Variants in ATL1 observed in about 807,000 individuals in gnomAD.
ATL1 encodes atlastin-1.
In ATL1, 31 loss-of-function variants were observed where a neutral mutation model predicts 75.5. The observed-to-expected ratio is 0.41, with a 90% CI of 0.31 to 0.55. The LOEUF (loss-of-function observed/expected upper bound fraction) is 0.55. Ranked by LOEUF, ATL1 falls within the 20% of genes least tolerant of loss-of-function variation. ATL1 has a pLI of 0.27. For missense variants in ATL1, 405 were observed against 662.6 expected (o/e 0.61, Z 4.27); for synonymous variants, 226 against 233.3 (o/e 0.97, Z 0.28).
chr14:50,579,407 T>A (rs2039036145), intron 1 of ATL1, among the ~76,000 whole-genome samples: 1 of 152,232 alleles, frequency 6.6e-6, no homozygotes, highest in Admixed American at 6.5e-5. Context: ...TTGGTGTCTG[T>A]TAGTGTAAGT....
chr14:50,540,029 G>C lies in ATL1; in HGVS notation c.-140+6662G>C, dbSNP rs191118851. Among the ~76,000 whole-genome samples, 3 of 152,222 alleles carry C rather than the reference G, an allele frequency of 2.0e-5. No homozygotes were observed. The East Asian group carries it at 5.8e-4, about 29-fold the overall frequency. On this transcript the variant is annotated intron_variant, in intron 1 of 13. Coordinates refer to the ATL1 transcript ENST00000441560. ...TCAAGGCATTGAATGAGGGAGAACA[G>C]ATATCCTCGAAAGATTCTTCTGTGG...
chr14:50,613,306 A>C lies in ATL1; in HGVS notation c.678A>C (p.Ser226=), dbSNP rs747362836. 1.2e-6 allele frequency: 2 copies of C among 1,613,362 alleles called. No homozygotes were observed. Among genetic ancestry groups the C allele is most frequent in the Non-Finnish European group, 1.7e-6 (2 of 1,179,658 alleles). The change falls in exon 7 of 14, where the codon TCA becomes TCC. Residue 226 remains serine, a synonymous_variant. Coordinates refer to ENST00000358385, the MANE Select transcript of ATL1 (RefSeq NM_015915.5). ...VRDWSFPYEF[S]YGADGGAKFL... ...ACTGGAGTTTCCCATACGAATTTTC[A>C]TATGGAGCCGATGGTGGTGCCAAAT...
chr14:50,605,927 T>C (rs2039313845), intron 6 of ATL1, among the ~76,000 whole-genome samples: 1 of 152,090 alleles, frequency 6.6e-6, no homozygotes, highest in African/African-American at 2.4e-5. Context: ...TTCTGTAGAA[T>C]AGCCTTCTGA....
At chr14:50,628,598 C>A in intron 12 of ATL1, 136 bp downstream of exon 12, 1 of 828,574 alleles carries the variant, frequency 1.2e-6, no homozygotes, top group South Asian at 1.5e-5. Flanking sequence ...ATGACCTGCC[C>A]AGATACAAGC....
rs764492146 is a variant in ATL1, at chr14:50,588,093, C to G, written c.282+15C>G. 1.2e-6 allele frequency: 2 copies of G among 1,613,850 alleles called. No homozygotes were observed. Among genetic ancestry groups the G allele is most frequent in the Non-Finnish European group, 1.7e-6 (2 of 1,179,964 alleles). ...TGTACAACCAGGTATGCAGGAAGTA[C>G]TTTAAAAAGTTTTCTTTCTTCTGTG... On this transcript the variant is annotated intron_variant, in intron 2 of 13. Transcript: ENST00000358385.
Position 50,587,978 on chromosome 14 carries a change from C to T in ATL1, c.182C>T (p.Ala61Val), listed in dbSNP as rs1207501733. ...TALNRILLSE[A>V]VRDKEVVAVS... Reference sequence around the variant, plus strand: ...TTAAATCGGATCCTTCTCTCGGAGGCTGTCAGAGACAAGGAGGTTGTTGCT... The same window carrying T: ...TTAAATCGGATCCTTCTCTCGGAGGTTGTCAGAGACAAGGAGGTTGTTGCT... Residue 61 changes from alanine (A) to valine (V), a missense_variant, in exon 2 of 14, where the codon GCT (alanine) becomes GTT (valine). Transcript: ENST00000358385. The T allele has an allele frequency of 1.2e-6, 2 of 1,614,142 alleles. No individual in the cohort carries two copies.
intron 13 of ATL1, among the ~76,000 whole-genome samples, chr14:50,631,697 G>A (rs892702808): frequency 6.6e-6 from 1 of 152,158 alleles, no homozygotes; most frequent in African/African-American, 2.4e-5. Context: ...CTAAGTCACG[G>A]AAACAAGGCA....
chr14:50,631,274 A>C (rs1314916298), intron 13 of ATL1, among the ~76,000 whole-genome samples: 1 of 95,988 alleles, frequency 1.0e-5, no homozygotes, highest in East Asian at 2.1e-4. Flanking sequence ...AGTAAAAAAC[A>C]AAAACAAAAA....
At chr14:50,609,566 G>T (rs1006663613) in intron 6 of ATL1, among the ~76,000 whole-genome samples, 1 of 151,860 alleles carries the variant, frequency 6.6e-6, no homozygotes, top group Non-Finnish European at 1.5e-5. Flanking sequence ...TCTTGGACAA[G>T]GAGATATGGA....
At chr14:50,570,205 GGTTT>G (rs2038941951) in intron 1 of ATL1, among the ~76,000 whole-genome samples, 1 of 152,040 alleles carries the variant, frequency 6.6e-6, no homozygotes, top group Non-Finnish European at 1.5e-5. Flanking sequence ...GTGTCCCACA[GGTTT>G]GTTAAGCTCT....
intron 1 of ATL1, chr14:50,572,141 G>A (rs2038960399): frequency 7.5e-6 from 3 of 402,364 alleles, no homozygotes; most frequent in African/African-American, 4.3e-5. Context: ...CTTTGCTCAT[G>A]GTGTCTTTTC....
intron 1 of ATL1, among the ~76,000 whole-genome samples, chr14:50,562,478 T>C (rs1390606694): frequency 1.3e-5 from 2 of 152,198 alleles, no homozygotes; most frequent in Admixed American, 6.5e-5. Flanking sequence ...TTGGAATCAA[T>C]AGATCTGAAA....
intron 1 of ATL1, among the ~76,000 whole-genome samples, chr14:50,552,035 T>G (rs868767517): frequency 5.9e-5 from 9 of 152,022 alleles, no homozygotes; most frequent in South Asian, 2.1e-4. Flanking sequence ...AAGAAAGAAA[T>G]AAAGGGTATT....
intron 1 of ATL1, among the ~76,000 whole-genome samples, chr14:50,537,472 C>G (rs2038509280): frequency 6.6e-6 from 1 of 152,134 alleles, no homozygotes; most frequent in African/African-American, 2.4e-5. Flanking sequence ...GAGGTACTGC[C>G]TAGTGGAGCT....
chr14:50,625,437 A>G (rs2039508754), intron 11 of ATL1, among the ~76,000 whole-genome samples: 1 of 152,234 alleles, frequency 6.6e-6, no homozygotes, highest in Non-Finnish European at 1.5e-5. Flanking sequence ...TGGCCACGGT[A>G]AACAGAGATT....
In ATL1 at chr14:50,602,365, C is replaced by T. The variant is rs374538375; in HGVS notation, c.630+6733C>T. 2.7e-4 allele frequency among the ~76,000 whole-genome samples: 41 copies of T among 152,214 alleles called. No individual in the cohort carries two copies. The East Asian group carries it at 6.0e-3, about 22-fold the overall frequency. On this transcript the variant is annotated intron_variant, in intron 6 of 13. Transcript: ENST00000358385. ...CAGTAAGCTTGTTATGGGGTCTATG[C>T]TAAAAACAGATCCCCCTTACTAAGA... is the stretch of plus-strand genomic sequence containing the variant.
At chr14:50,593,705 G>T in intron 4 of ATL1, 141 bp from the exon 5 acceptor site, 2 of 589,702 alleles carry the variant, frequency 3.4e-6, no homozygotes, top group Non-Finnish European at 3.1e-6. Context: ...TCTCTCTCAA[G>T]GTCTTACAAA....
chr14:50,630,109 T>G, intron 13 of ATL1, 100 bp downstream of exon 13: 1 of 808,226 alleles, frequency 1.2e-6, no homozygotes, highest in East Asian at 2.7e-5. Context: ...TTATGTAGAT[T>G]AGAACAATCT....
intron 2 of ATL1, among the ~76,000 whole-genome samples, chr14:50,589,755 T>G (rs1445034788): frequency 6.6e-6 from 1 of 152,196 alleles, no homozygotes; most frequent in East Asian, 1.9e-4. Context: ...CCAAAGCTCT[T>G]GATAACGGTC....
Sources: allele counts gnomAD v4.1 joint callset (sites outside exome capture counted in the v4.1 genomes callset), GRCh38; gene constraint gnomAD v4.1.1; transcripts MANE v1.5; gene names NCBI Gene and HGNC (gene_info 2026-07-23, HGNC 2026-07-21).